Variants in USP48 observed in about 807,000 individuals in gnomAD.
USP48 encodes ubiquitin carboxyl-terminal hydrolase 48.
USP48 carries 43 observed loss-of-function variants against 150.7 expected under a neutral mutation model. The ratio of observed to expected loss-of-function variants is 0.29; its 90% confidence interval spans 0.22 to 0.37. The LOEUF (loss-of-function observed/expected upper bound fraction) is 0.37, where lower values mean the gene tolerates loss of function less well. Ranked by LOEUF, USP48 falls within the 10% of genes least tolerant of loss-of-function variation. The pLI, the probability that USP48 is intolerant of heterozygous loss-of-function variation, is 1.00. For synonymous variants in USP48, 396 were observed against 425.9 expected (o/e 0.93, Z 0.86); for missense variants, 813 against 1,249.6 (o/e 0.65, Z 5.27).
chr1:21,690,140 ATAC>A (rs2097593290), intron 23 of USP48, 41 bp from the exon 24 acceptor site: 1 of 1,585,648 alleles, frequency 6.3e-7, no homozygotes, highest in African/African-American at 1.4e-5. Context: ...ATAATGCAAA[ATAC>A]TAAGACTTAT....
Position 21,721,062 on chromosome 1 carries a change from T to C in USP48, c.1868A>G (p.Lys623Arg). The C allele has an allele frequency of 6.2e-7, 1 of 1,614,268 alleles. No individual in the cohort carries two copies. The highest frequency in any genetic ancestry group is 8.5e-7 in the Non-Finnish European group (1 of 1,180,040). Residue 623 changes from lysine (K) to arginine (R), a missense_variant, in exon 14 of 27, where the codon AAG becomes AGG. Physicochemically the swap from Lys to Arg is conservative, Grantham distance 26. Transcript: ENST00000308271. ...QDGDAEQSNG[K>R]MNGSTLNKDE... Reference sequence around the variant, plus strand: ...TTTATTTAAGGTGCTACCGTTCATCTTTCCGTTGCTTTGTTCTGCATCACC... The same window carrying C: ...TTTATTTAAGGTGCTACCGTTCATCCTTCCGTTGCTTTGTTCTGCATCACC...
rs560997086 is a variant in USP48 at position 21,714,261 on chromosome 1, T to G, written c.1963+1128A>C. Among the ~76,000 whole-genome samples, 7 of 152,268 alleles carry G rather than the reference T, an allele frequency of 4.6e-5. No individual in the cohort carries two copies. The South Asian group carries it at 1.5e-3, about 32-fold the overall frequency. ...CCACTGACAAGCCAACTTTTCTGTG[T>G]CAAATTTATTGTCCTATTGATTTTA... On this transcript the variant is annotated intron_variant, in intron 15 of 26. Transcript: ENST00000308271.
intron 15 of USP48, among the ~76,000 whole-genome samples, chr1:21,707,345 T>C (rs1249890303): frequency 6.6e-6 from 1 of 152,202 alleles, no homozygotes; most frequent in Non-Finnish European, 1.5e-5. Flanking sequence ...TAAAATAATA[T>C]TTTGTAAGCT....
intron 9 of USP48, among the ~76,000 whole-genome samples, chr1:21,730,889 T>C (rs887405580): frequency 1.3e-5 from 2 of 151,620 alleles, no homozygotes; most frequent in Non-Finnish European, 2.9e-5. Context: ...GCCTCTCAAG[T>C]AGCTGGGATT....
intron 14 of USP48, among the ~76,000 whole-genome samples, chr1:21,719,723 T>C (rs2097714641): frequency 6.6e-6 from 1 of 151,938 alleles, no homozygotes; most frequent in Non-Finnish European, 1.5e-5. Context: ...CAAAATTAGC[T>C]GGGCGTGGTG....
At chr1:21,744,650 G>A (rs1436439282) in intron 8 of USP48, among the ~76,000 whole-genome samples, 3 of 149,454 alleles carry the variant, frequency 2.0e-5, no homozygotes, top group Non-Finnish European at 4.4e-5. Context: ...GGTGGCAGGC[G>A]CCTGTAATCC....
intron 15 of USP48, among the ~76,000 whole-genome samples, chr1:21,714,716 A>G (rs1300957041): frequency 6.6e-6 from 1 of 152,252 alleles, no homozygotes; most frequent in Non-Finnish European, 1.5e-5. Context: ...GCTACTTGTT[A>G]GAAGTAAGCA....
At chr1:21,709,161 T>TA (rs1269170531) in intron 15 of USP48, among the ~76,000 whole-genome samples, 1 of 152,100 alleles carries the variant, frequency 6.6e-6, no homozygotes, top group Non-Finnish European at 1.5e-5. Context: ...GCTGGGATTA[T>TA]AAGCATGAGC....
chr1:21,764,820 A>G (rs2097858055), intron 1 of USP48, among the ~76,000 whole-genome samples: 1 of 152,120 alleles, frequency 6.6e-6, no homozygotes, highest in African/African-American at 2.4e-5. Flanking sequence ...GTCAGACTAA[A>G]AAGTTCTAAA....
chr1:21,690,154 A>G (rs1405574810), intron 23 of USP48, 55 bp from the exon 24 acceptor site: 5 of 1,482,752 alleles, frequency 3.4e-6, no homozygotes, highest in Non-Finnish European at 4.5e-6. Context: ...TAAGACTTAT[A>G]CCCTATTTAA....
intron 15 of USP48, chr1:21,715,129 C>T (rs973192769): frequency 5.3e-6 from 2 of 378,338 alleles, no homozygotes; most frequent in Non-Finnish European, 9.7e-6. Context: ...CATACGAGCA[C>T]TATTCTCAAA....
At chr1:21,782,785 G>C in intron 1 of USP48, 39 bp downstream of exon 1, 2 of 1,499,492 alleles carry the variant, frequency 1.3e-6, no homozygotes, top group South Asian at 1.3e-5. Flanking sequence ...TCCAAGGTCC[G>C]GCGCGAGGAG....
chr1:21,695,779 A>G (rs1343340002), intron 22 of USP48, among the ~76,000 whole-genome samples: 2 of 152,240 alleles, frequency 1.3e-5, no homozygotes, highest in Non-Finnish European at 2.9e-5. Flanking sequence ...AACTTAGTTC[A>G]TGAACAACCT....
At chr1:21,769,624 C>A (rs2097873257) in intron 1 of USP48, among the ~76,000 whole-genome samples, 1 of 152,146 alleles carries the variant, frequency 6.6e-6, no homozygotes, top group East Asian at 1.9e-4. Context: ...GTTCCCCAGG[C>A]TGGTCTTGAA....
rs555272734 is a variant in USP48, at chr1:21,703,685, C to G, written c.2516-67G>C. On this transcript the variant is annotated intron_variant, in intron 20 of 26. Transcript: ENST00000308271. ...GAATCATTGTTAAAGAATCAAAGAT[C>G]TAAAAACATATGTCAAAGTTACTAG... The G allele has an allele frequency of 9.2e-6, 11 of 1,199,744 alleles. No homozygotes were observed. The East Asian group carries it at 2.6e-4, about 28-fold the overall frequency. The allele number at this position is 1,199,744 out of a possible 1,614,324, so 74.3% of individuals were successfully genotyped here. A position where few individuals can be genotyped will look rare whatever the true frequency, so the allele number is the denominator to read the frequency against.
At chr1:21,751,084 G>C (rs1468978174) in intron 6 of USP48, among the ~76,000 whole-genome samples, 1 of 152,192 alleles carries the variant, frequency 6.6e-6, no homozygotes, top group Non-Finnish European at 1.5e-5. Flanking sequence ...ACTCAGAACA[G>C]AAAGGAATCA....
intron 8 of USP48, among the ~76,000 whole-genome samples, chr1:21,739,953 C>T (rs2097777521): frequency 6.6e-6 from 1 of 152,152 alleles, no homozygotes; most frequent in Non-Finnish European, 1.5e-5. Flanking sequence ...GTCTTGTTGC[C>T]CAGGCTGGAG....
chr1:21,774,219 T>TAATAAC (rs2097890966), intron 1 of USP48, among the ~76,000 whole-genome samples: 1 of 132,726 alleles, frequency 7.5e-6, no homozygotes, highest in African/African-American at 2.6e-5. Context: ...ATAATAATAA[T>TAATAAC]AATAAGGCAG....
chr1:21,722,047 A>G (rs190845677), intron 12 of USP48, among the ~76,000 whole-genome samples: 5 of 152,300 alleles, frequency 3.3e-5, no homozygotes, highest in African/African-American at 4.8e-5. Flanking sequence ...AATCTTTACA[A>G]GATGATAATC....
Sources: allele counts gnomAD v4.1 joint callset (sites outside exome capture counted in the v4.1 genomes callset), GRCh38; gene constraint gnomAD v4.1.1; transcripts MANE v1.5; gene names NCBI Gene and HGNC (gene_info 2026-07-23, HGNC 2026-07-21).